NTN1: variants seen among roughly 807,000 people sequenced by gnomAD.
NTN1 encodes netrin 1.
In NTN1, 11 loss-of-function variants were observed where a neutral mutation model predicts 54.2. The ratio of observed to expected loss-of-function variants is 0.20; its 90% CI spans 0.13 to 0.34. The LOEUF is 0.34. NTN1 is among the 10% of genes least tolerant of loss of function. The pLI is 1.00. For missense variants in NTN1, 740 were observed against 893.1 expected (o/e 0.83, Z 2.18); for synonymous variants, 371 against 382.0 (o/e 0.97, Z 0.33).
chr17:9,228,560 A>T (rs1038078239), intron 6 of NTN1, among the ~76,000 whole-genome samples: 1 of 152,164 alleles, frequency 6.6e-6, no homozygotes, highest in Non-Finnish European at 1.5e-5. Flanking sequence ...AGAGGGGGAG[A>T]CAGAGAGCTC....
intron 2 of NTN1, among the ~76,000 whole-genome samples, chr17:9,120,563 C>G (rs1172615749): frequency 6.6e-6 from 1 of 152,216 alleles, no homozygotes; most frequent in Non-Finnish European, 1.5e-5. Flanking sequence ...GATTTGATTT[C>G]CCCCAAGTCC....
intron 2 of NTN1, among the ~76,000 whole-genome samples, chr17:9,115,999 C>T (rs1317316045): frequency 6.6e-6 from 1 of 152,254 alleles, no homozygotes; most frequent in Non-Finnish European, 1.5e-5. Flanking sequence ...TTTCTTTCAA[C>T]CTCTCTGCAT....
intron 5 of NTN1, among the ~76,000 whole-genome samples, chr17:9,196,674 C>T (rs1904642504): frequency 6.6e-6 from 1 of 152,226 alleles, no homozygotes; most frequent in South Asian, 2.1e-4. Flanking sequence ...TTGCCCCTCC[C>T]CATTCCCCCC....
chr17:9,233,696 T>G (rs1279874680), intron 6 of NTN1, among the ~76,000 whole-genome samples: 1 of 152,038 alleles, frequency 6.6e-6, no homozygotes, highest in Non-Finnish European at 1.5e-5. Context: ...TTCTTCAGGT[T>G]GCCTTTGACG....
rs1162083097 is a variant in NTN1, at chr17:9,240,141, A to AC, written c.*178dup. 1.6e-5 allele frequency: 4 copies of AC among 251,948 alleles called. No homozygotes were observed. The highest frequency in any genetic ancestry group is 2.6e-5 in the Non-Finnish European group (4 of 156,856). The allele number at this position is 251,948 out of a possible 1,614,324, so 15.6% of individuals were successfully genotyped here. ...GGGACCCTCGGCGGCCCCTCCCCCT[A>AC]CCCCCACCCTGCGCGCTCTGGGCGG... On this transcript the variant is annotated 3_prime_UTR_variant, in exon 7 of 7. Coordinates refer to ENST00000173229, the MANE Select transcript of NTN1 (RefSeq NM_004822.3).
At chr17:9,182,707 G>A (rs1003628063) in intron 4 of NTN1, among the ~76,000 whole-genome samples, 26 of 152,312 alleles carry the variant, frequency 1.7e-4, no homozygotes, top group Middle Eastern at 3.4e-3. Flanking sequence ...CCTGCCAGGT[G>A]AAAGGAGAAA....
At chr17:9,137,087 C>T (rs1316509693) in intron 2 of NTN1, among the ~76,000 whole-genome samples, 1 of 152,168 alleles carries the variant, frequency 6.6e-6, no homozygotes, top group African/African-American at 2.4e-5. Context: ...ACACCCTGCT[C>T]CTATCTATGC....
intron 2 of NTN1, among the ~76,000 whole-genome samples, chr17:9,140,505 A>G (rs1009591793): frequency 1.3e-5 from 2 of 152,242 alleles, no homozygotes; most frequent in African/African-American, 4.8e-5. Context: ...CAAGCACCAG[A>G]GCCAGATGTG....
intron 2 of NTN1, among the ~76,000 whole-genome samples, chr17:9,078,350 A>G (rs768829468): frequency 1.3e-5 from 2 of 152,208 alleles, no homozygotes; most frequent in Non-Finnish European, 2.9e-5. Flanking sequence ...AAGGAAGGAC[A>G]GGGAGGAGTT....
intron 2 of NTN1, among the ~76,000 whole-genome samples, chr17:9,035,208 A>G (rs2091899964): frequency 6.6e-6 from 1 of 152,160 alleles, no homozygotes; most frequent in African/African-American, 2.4e-5. Flanking sequence ...AGCCTCCCAA[A>G]GTGCTGGGAT....
chr17:9,213,499 G>A (rs2142348753), intron 5 of NTN1, among the ~76,000 whole-genome samples: 1 of 152,342 alleles, frequency 6.6e-6, no homozygotes. Context: ...GCGGCTGGGT[G>A]GTGGTAGGAT....
intron 2 of NTN1, among the ~76,000 whole-genome samples, chr17:9,129,185 G>C (rs540433295): frequency 6.6e-6 from 1 of 152,280 alleles, no homozygotes; most frequent in African/African-American, 2.4e-5. Context: ...ACTCAAGCCA[G>C]CGTGGGACTG....
Position 9,023,305 on chromosome 17 carries a change from C to A in NTN1, c.932C>A (p.Ala311Asp), listed in dbSNP as rs1171304335. Residue 311 changes from alanine (A) to aspartate (D), a missense_variant, in exon 2 of 7, where the codon GCC becomes GAC. Transcript: ENST00000173229. ...GTGTGCGACTGCAGGCACAACACGG[C>A]CGGCCCGGAGTGCGACCGCTGCAAG... Reference protein sequence around the residue: ...SLVCDCRHNTAGPECDRCKPF... With the variant: ...SLVCDCRHNTDGPECDRCKPF... 6.5e-7 allele frequency: 1 copy of A among 1,544,600 alleles called. No homozygotes were observed. The highest frequency in any genetic ancestry group is 1.9e-5 in the Admixed American group (1 of 52,236).
At chr17:9,055,943 G>A (rs746354149) in intron 2 of NTN1, among the ~76,000 whole-genome samples, 18 of 150,868 alleles carry the variant, frequency 1.2e-4, no homozygotes, top group Non-Finnish European at 1.8e-4. Flanking sequence ...TGTTGCCCAG[G>A]CTGGAGTGCA....
At chr17:9,027,056 C>G (rs891036300) in intron 2 of NTN1, among the ~76,000 whole-genome samples, 1 of 152,050 alleles carries the variant, frequency 6.6e-6, no homozygotes. Context: ...GTCAATAGCT[C>G]TGGTGCTTGG....
At chr17:9,097,712 C>T (rs1197962105) in intron 2 of NTN1, among the ~76,000 whole-genome samples, 1 of 152,100 alleles carries the variant, frequency 6.6e-6, no homozygotes, top group Non-Finnish European at 1.5e-5. Flanking sequence ...TGTACCAGAA[C>T]ACAAATAGAA....
intron 6 of NTN1, among the ~76,000 whole-genome samples, chr17:9,230,980 T>TCC (rs1905790171): frequency 6.6e-6 from 1 of 151,006 alleles, no homozygotes; most frequent in African/African-American, 2.4e-5. Flanking sequence ...AGGGGTGGGG[T>TCC]GGGGATCTGT....
intron 2 of NTN1, among the ~76,000 whole-genome samples, chr17:9,052,413 G>A (rs930788262): frequency 5.3e-5 from 8 of 152,178 alleles, no homozygotes; most frequent in African/African-American, 1.9e-4. Context: ...AAACACATAT[G>A]TGCACAAAAA....
At chr17:9,133,102 C>T (rs990753737) in intron 2 of NTN1, among the ~76,000 whole-genome samples, 10 of 152,158 alleles carry the variant, frequency 6.6e-5, no homozygotes, top group African/African-American at 2.2e-4. Context: ...TGCGAGCCAC[C>T]GAGAGCCCTG....
Sources: gnomAD v4.1 joint callset for allele counts (sites outside exome capture counted in the v4.1 genomes callset) on GRCh38, gnomAD v4.1.1 for gene constraint, MANE v1.5 for transcripts, NCBI Gene and HGNC (gene_info 2026-07-23, HGNC 2026-07-21) for gene names.